Variants in TMEM17 observed in about 807,000 individuals in gnomAD.
TMEM17 encodes the protein transmembrane protein 17.
TMEM17 carries 15 observed loss-of-function variants against 19.1 expected under a neutral mutation model. That is an observed-to-expected ratio of 0.78 (90% CI 0.52 to 1.21). TMEM17 has a LOEUF of 1.21. Ranked by LOEUF, TMEM17 falls within the 50% of genes most tolerant of loss-of-function variation. The pLI, the probability that TMEM17 is intolerant of heterozygous loss-of-function variation, is 0.00. For synonymous variants in TMEM17, 103 were observed against 86.9 expected (o/e 1.19, Z -1.03); for missense variants, 245 against 242.3 (o/e 1.01, Z -0.07).
At chr2:62,456,818 C>A in the TMEM17 span, among the ~76,000 whole-genome samples, 2 of 152,274 alleles carry the variant, frequency 1.3e-5, no homozygotes, top group African/African-American at 2.4e-5. Flanking sequence ...CATCTCCTTT[C>A]TAGAAACTAT....
At chr2:62,495,257 C>T (rs10199065), downstream of TMEM17, among the ~76,000 whole-genome samples, 1 of 152,104 alleles carries the variant, frequency 6.6e-6, no homozygotes, top group Non-Finnish European at 1.5e-5. Flanking sequence ...ATCTTGTTTT[C>T]AGGTGTTCCA....
the TMEM17 span, among the ~76,000 whole-genome samples, chr2:62,478,191 G>A: frequency 6.6e-6 from 1 of 152,190 alleles, no homozygotes; most frequent in African/African-American, 2.4e-5. Context: ...GGGTCAAAGA[G>A]CCAATGAGTC....
At chr2:62,455,066 C>T in the TMEM17 span, among the ~76,000 whole-genome samples, 7 of 152,316 alleles carry the variant, frequency 4.6e-5, no homozygotes, top group Admixed American at 6.5e-5. Flanking sequence ...AGTTGTGCCA[C>T]CATCACAATC....
At chr2:62,476,205 G>A in the TMEM17 span, among the ~76,000 whole-genome samples, 1 of 149,252 alleles carries the variant, frequency 6.7e-6, no homozygotes, top group Admixed American at 6.6e-5. Context: ...CATTTTCTAT[G>A]TATGTTGTTG....
chr2:62,477,167 C>T, the TMEM17 span, among the ~76,000 whole-genome samples: 104 of 152,242 alleles, frequency 6.8e-4, no homozygotes, highest in South Asian at 7.3e-3. Context: ...GAGGCTGAGG[C>T]GGGAAGATCA....
At chr2:62,462,693 GAA>G in the TMEM17 span, among the ~76,000 whole-genome samples, 3 of 152,158 alleles carry the variant, frequency 2.0e-5, no homozygotes, top group African/African-American at 7.2e-5. Flanking sequence ...CTCCTTCCCT[GAA>G]TACTTTCAAT....
the TMEM17 span, among the ~76,000 whole-genome samples, chr2:62,459,909 C>T: frequency 6.6e-6 from 1 of 152,208 alleles, no homozygotes; most frequent in Non-Finnish European, 1.5e-5. Flanking sequence ...GTAGTTGGGA[C>T]TGCAGGTGGG....
chr2:62,488,800 T>G, the TMEM17 span, among the ~76,000 whole-genome samples: 1 of 149,944 alleles, frequency 6.7e-6, no homozygotes, highest in Non-Finnish European at 1.5e-5. Flanking sequence ...TACTTTTTTT[T>G]TTTTTTTTTT....
downstream of TMEM17, chr2:62,500,197 A>G (rs1184033667): frequency 2.0e-5 from 3 of 152,234 alleles, no homozygotes; most frequent in African/African-American, 7.2e-5. Context: ...AGCCCAAAAT[A>G]ATTGCACAAG....
chr2:62,489,163 G>C, the TMEM17 span, among the ~76,000 whole-genome samples: 8 of 152,294 alleles, frequency 5.3e-5, no homozygotes, highest in East Asian at 1.5e-3. Flanking sequence ...TGATGACTTT[G>C]ACTCTTCATC....
downstream of TMEM17, among the ~76,000 whole-genome samples, chr2:62,498,196 C>A (rs948910508): frequency 2.7e-5 from 4 of 148,890 alleles, no homozygotes; most frequent in African/African-American, 7.4e-5. Flanking sequence ...ACCAGCCTGG[C>A]CAACATGGTG....
intron 1 of TMEM17, 86 bp downstream of exon 1, chr2:62,505,944 T>G (rs1403359681): frequency 3.1e-6 from 4 of 1,273,938 alleles, no homozygotes; most frequent in Non-Finnish European, 4.4e-6. Flanking sequence ...ATCGCCATTT[T>G]AGGTACGGGC....
chr2:62,454,374 T>C, the TMEM17 span, among the ~76,000 whole-genome samples: 1 of 152,218 alleles, frequency 6.6e-6, no homozygotes, highest in Non-Finnish European at 1.5e-5. Flanking sequence ...GCATGAAGCA[T>C]GTACTGGCTT....
downstream of TMEM17, among the ~76,000 whole-genome samples, chr2:62,497,232 A>G (rs79079632): frequency 0.011 from 1,702 of 152,316 alleles, 24 homozygotes; most frequent in East Asian, 0.067. Flanking sequence ...CCTCTGGTCC[A>G]AACCTTTCAA....
At chr2:62,505,584 G>A (rs1276028248) in intron 1 of TMEM17, among the ~76,000 whole-genome samples, 6 of 152,092 alleles carry the variant, frequency 3.9e-5, no homozygotes, top group Non-Finnish European at 8.8e-5. Flanking sequence ...GGGGAGGTGG[G>A]ATTGCTTGGG....
the TMEM17 span, among the ~76,000 whole-genome samples, chr2:62,459,714 T>C: frequency 8.0e-3 from 1,214 of 152,384 alleles, 22 homozygotes; most frequent in African/African-American, 0.027. Context: ...TGCCATTGTA[T>C]ATTGTTTTGA....
chr2:62,462,477 A>T, the TMEM17 span, among the ~76,000 whole-genome samples: 1 of 152,032 alleles, frequency 6.6e-6, no homozygotes, highest in African/African-American at 2.4e-5. Context: ...GAGAAGAAAA[A>T]TCCACCCCTC....
chr2:62,487,748 G>A, the TMEM17 span, among the ~76,000 whole-genome samples: 1 of 152,260 alleles, frequency 6.6e-6, no homozygotes, highest in East Asian at 1.9e-4. Context: ...AGGCTGGAGT[G>A]CAGTGGTGCG....
chr2:62,456,700 G>A, the TMEM17 span, among the ~76,000 whole-genome samples: 2 of 152,248 alleles, frequency 1.3e-5, no homozygotes, highest in African/African-American at 4.8e-5. Context: ...GTTCGGGGTT[G>A]GCTGGTCTTG....
Sources: gnomAD v4.1 joint callset for allele counts (sites outside exome capture counted in the v4.1 genomes callset) on GRCh38, gnomAD v4.1.1 for gene constraint, MANE v1.5 for transcripts, NCBI Gene and HGNC (gene_info 2026-07-23, HGNC 2026-07-21) for gene names.